Variants in ADTRP observed in about 807,000 individuals in gnomAD.
ADTRP encodes androgen dependent TFPI regulating protein.
Under a neutral mutation model 27.0 loss-of-function variants are expected in ADTRP, and 20 were observed. That is an observed-to-expected ratio of 0.74 (90% CI 0.52 to 1.08). The LOEUF is 1.08. ADTRP is among the 50% of genes least tolerant of loss of function. The probability of loss-of-function intolerance (pLI) is 0.00; values close to 1 mark genes in which losing one functional copy is unlikely to be tolerated. For synonymous variants in ADTRP, 101 were observed against 105.2 expected, an observed-to-expected ratio of 0.96 and a Z score of 0.25; for missense variants, 251 against 275.0, an observed-to-expected ratio of 0.91 and a Z score of 0.62.
intron 3 of ADTRP, among the ~76,000 whole-genome samples, chr6:11,742,078 A>G (rs1351591772): frequency 6.6e-6 from 1 of 152,100 alleles, no homozygotes; most frequent in African/African-American, 2.4e-5. Flanking sequence ...CTATTTTGGT[A>G]CATATAATCA....
At chr6:11,769,448 G>A (rs1166501621) in intron 1 of ADTRP, among the ~76,000 whole-genome samples, 1 of 152,128 alleles carries the variant, frequency 6.6e-6, no homozygotes, top group African/African-American at 2.4e-5. Context: ...ATGATACAGA[G>A]GTGGGTCAGA....
intron 5 of ADTRP, among the ~76,000 whole-genome samples, chr6:11,722,843 T>C (rs990235060): frequency 2.7e-4 from 41 of 152,182 alleles, no homozygotes; most frequent in African/African-American, 9.7e-4. Flanking sequence ...TGTGATTTCA[T>C]CTGGTAAATG....
At chr6:11,741,988 T>C (rs866600690) in intron 3 of ADTRP, among the ~76,000 whole-genome samples, 2 of 152,042 alleles carry the variant, frequency 1.3e-5, no homozygotes, top group African/African-American at 4.8e-5. Flanking sequence ...AGGCATCACT[T>C]CCTTAGCTTT....
chr6:11,727,674 C>T (rs1001740744), intron 4 of ADTRP, among the ~76,000 whole-genome samples: 20 of 152,062 alleles, frequency 1.3e-4, no homozygotes, highest in African/African-American at 4.6e-4. Flanking sequence ...AAAGAAAGTT[C>T]CCGAGGTAAG....
intron 3 of ADTRP, among the ~76,000 whole-genome samples, chr6:11,744,253 C>G (rs1193170802): frequency 6.6e-6 from 1 of 152,226 alleles, no homozygotes; most frequent in Non-Finnish European, 1.5e-5. Context: ...TCACCAGAAG[C>G]CAGGCAGATG....
chr6:11,756,837 C>T (rs1290449001), intron 3 of ADTRP, among the ~76,000 whole-genome samples: 1 of 152,200 alleles, frequency 6.6e-6, no homozygotes, highest in African/African-American at 2.4e-5. Context: ...GAATAAACTA[C>T]TCAAACCTCA....
chr6:11,715,726 G>A (rs1281535584), intron 5 of ADTRP, among the ~76,000 whole-genome samples: 2 of 144,450 alleles, frequency 1.4e-5, no homozygotes, highest in Non-Finnish European at 3.0e-5. Flanking sequence ...GCTCACTGCG[G>A]CCTTGAGCTC....
intron 5 of ADTRP, among the ~76,000 whole-genome samples, chr6:11,715,806 CTTTTTTTTTTTTTTTTTTTTT>C (rs55961408): frequency 1.3e-5 from 1 of 77,700 alleles, no homozygotes; most frequent in African/African-American, 6.3e-5. Context: ...CCATGCCCAG[CTTTTTTTTTTTTTTTTTTTTT>C]TTTTTTTTTT....
intron 1 of ADTRP, 104 bp downstream of exon 1, chr6:11,778,503 A>G: frequency 7.1e-7 from 1 of 1,402,002 alleles, no homozygotes. Flanking sequence ...GAAGGAAGAC[A>G]AATAACAAAA....
intron 5 of ADTRP, chr6:11,717,321 A>G: frequency 7.7e-7 from 1 of 1,304,186 alleles, no homozygotes; most frequent in Non-Finnish European, 1.0e-6. Context: ...GATATTCTTG[A>G]CCAGTTGGTG....
chr6:11,736,427 TCA>T (rs1406931383), intron 3 of ADTRP: 1 of 152,544 alleles, frequency 6.6e-6, no homozygotes, highest in African/African-American at 2.4e-5. Flanking sequence ...CGGCATATTC[TCA>T]CACACATTTG....
intron 1 of ADTRP, among the ~76,000 whole-genome samples, chr6:11,778,353 C>T (rs1764027037): frequency 6.6e-6 from 1 of 152,040 alleles, no homozygotes; most frequent in African/African-American, 2.4e-5. Flanking sequence ...GAAAAGAGCT[C>T]CAAGATGAGA....
rs76924958 is a variant in ADTRP, at chr6:11,775,115, G to T, written c.153+3492C>A. Among the ~76,000 whole-genome samples, 31 of 152,212 alleles carry T rather than the reference G, an allele frequency of 2.0e-4. No individual in the cohort carries two copies. The East Asian group carries it at 5.6e-3, about 28-fold the overall frequency. On this transcript the variant is annotated intron_variant, in intron 1 of 5. Transcript: ENST00000414691. ...GCTGGGAAGATGGGGCATGCAGCTC[G>T]GGGAGGGAGAAATAGTAGCCATGAA...
chr6:11,733,826 A>T (rs1410671164), intron 4 of ADTRP, among the ~76,000 whole-genome samples: 1 of 152,110 alleles, frequency 6.6e-6, no homozygotes, highest in African/African-American at 2.4e-5. Flanking sequence ...GTACTGACAA[A>T]CCAACCTCCT....
chr6:11,777,054 T>C (rs1045861380), intron 1 of ADTRP, among the ~76,000 whole-genome samples: 3 of 152,106 alleles, frequency 2.0e-5, no homozygotes, highest in African/African-American at 4.8e-5. Flanking sequence ...AGTAGTAAGG[T>C]TGAAGAAGAA....
At position 11,723,440 on chromosome 6, in the gene ADTRP, G is replaced by A; in HGVS notation, c.567C>T (p.Ser189=). 1.2e-6 allele frequency: 2 copies of A among 1,614,120 alleles called. No homozygotes were observed. The highest frequency in any genetic ancestry group is 1.7e-6 in the Non-Finnish European group (2 of 1,180,006). ...AGAAGAAAGCTGCTAGACCCAAGAG[G>A]CTGAGTTTGGCAAACACAGGATACA... ...TWVYPVFAKL[S]LLGLAAFFSL... Residue 189 remains serine, a synonymous_variant, in exon 5 of 6, where the codon AGC becomes AGT. Transcript: ENST00000414691.
At chr6:11,730,547 C>T (rs1351766128) in intron 4 of ADTRP, among the ~76,000 whole-genome samples, 1 of 152,146 alleles carries the variant, frequency 6.6e-6, no homozygotes, top group Non-Finnish European at 1.5e-5. Context: ...CTTAGTCCAC[C>T]CCTTGGCAGT....
chr6:11,731,652 C>G (rs1002279705), intron 4 of ADTRP, among the ~76,000 whole-genome samples: 16 of 152,172 alleles, frequency 1.1e-4, no homozygotes, highest in Admixed American at 8.5e-4. Context: ...TTTCTAGCTC[C>G]AATCCTGCCG....
chr6:11,717,427 C>T, intron 5 of ADTRP: 2 of 1,303,464 alleles, frequency 1.5e-6, no homozygotes, highest in Middle Eastern at 2.1e-4. Flanking sequence ...GCAGGCATGG[C>T]CAAGAAATTA....
Sources: gnomAD v4.1 joint callset for allele counts (sites outside exome capture counted in the v4.1 genomes callset) on GRCh38, gnomAD v4.1.1 for gene constraint, MANE v1.5 for transcripts, NCBI Gene and HGNC (gene_info 2026-07-23, HGNC 2026-07-21) for gene names.